The following PAICS variants were observed in gnomAD, a reference collection of about 807,000 sequenced individuals.
The protein encoded by PAICS is bifunctional phosphoribosylaminoimidazole carboxylase/phosphoribosylaminoimidazole succinocarboxamide synthetase.
A neutral mutation model predicts 53.7 loss-of-function variants in PAICS; 33 were observed. The observed-to-expected ratio is 0.61, with a 90% CI of 0.47 to 0.82. PAICS has a LOEUF of 0.82. Among genes scored for constraint, PAICS ranks in the 40% least tolerant of loss-of-function variants. PAICS has a pLI of 0.00. For synonymous variants in PAICS, 141 were observed against 167.2 expected, an observed-to-expected ratio of 0.84 and a Z score of 1.21; for missense variants, 394 against 494.1, an observed-to-expected ratio of 0.80 and a Z score of 1.92.
the PAICS span, among the ~76,000 whole-genome samples, chr4:56,416,109 C>T: frequency 2.0e-5 from 3 of 151,344 alleles, no homozygotes; most frequent in Non-Finnish European, 4.4e-5. Flanking sequence ...AAACTAACTA[C>T]AACCATTTCT....
At chr4:56,437,767 G>T (rs1211484010) in intron 1 of PAICS, among the ~76,000 whole-genome samples, 1 of 142,446 alleles carries the variant, frequency 7.0e-6, no homozygotes, top group Non-Finnish European at 1.5e-5. Context: ...GCTGCAGTGA[G>T]CCGGGATCGC....
At chr4:56,451,791 AT>A in intron 6 of PAICS, 80 bp from the exon 7 acceptor site, 1 of 788,066 alleles carries the variant, frequency 1.3e-6, no homozygotes, top group East Asian at 2.8e-5. Flanking sequence ...TTGGGCCCAG[AT>A]ATAATTTTAC....
chr4:56,422,818 G>T, the PAICS span: 1 of 152,128 alleles, frequency 6.6e-6, no homozygotes, highest in Admixed American at 6.5e-5. Context: ...ATAATTAATG[G>T]AAGCAATGTT....
chr4:56,425,645 T>A, the PAICS span, among the ~76,000 whole-genome samples: 1 of 152,162 alleles, frequency 6.6e-6, no homozygotes. Context: ...GACAGAGGCA[T>A]CTTTGTTGTG....
At chr4:56,457,105 C>G (rs538054719) in intron 8 of PAICS, among the ~76,000 whole-genome samples, 1 of 152,116 alleles carries the variant, frequency 6.6e-6, no homozygotes, top group Non-Finnish European at 1.5e-5. Flanking sequence ...AGTTCAAAGA[C>G]GCCAAGACTG....
chr4:56,433,434 T>C (rs1578140244), upstream of PAICS, among the ~76,000 whole-genome samples: 1 of 138,390 alleles, frequency 7.2e-6, no homozygotes, highest in Non-Finnish European at 1.6e-5. Flanking sequence ...CCTATAACCA[T>C]GAATACCAAG....
upstream of PAICS, among the ~76,000 whole-genome samples, chr4:56,432,732 G>T (rs1241761044): frequency 6.6e-6 from 1 of 150,450 alleles, no homozygotes; most frequent in African/African-American, 2.4e-5. Context: ...TTGCAGTGAG[G>T]GGAGACTGCG....
the PAICS span, among the ~76,000 whole-genome samples, chr4:56,419,094 G>A: frequency 0.027 from 4,061 of 152,266 alleles, 197 homozygotes; most frequent in African/African-American, 0.092. Context: ...ACAGTCTGGG[G>A]ATGAGGGATG....
chr4:56,443,694 G>A (rs1004087235), intron 2 of PAICS, among the ~76,000 whole-genome samples: 4 of 152,174 alleles, frequency 2.6e-5, no homozygotes, highest in African/African-American at 9.7e-5. Flanking sequence ...TATTTTCTGA[G>A]TGTATTTACA....
the PAICS span, among the ~76,000 whole-genome samples, chr4:56,429,173 C>T: frequency 6.6e-6 from 1 of 152,018 alleles, no homozygotes; most frequent in Admixed American, 6.6e-5. Context: ...TCATAGCTCA[C>T]TGAGTGAAAG....
intron 2 of PAICS, among the ~76,000 whole-genome samples, chr4:56,445,272 G>GT (rs11396759): frequency 0.17 from 26,498 of 151,904 alleles, 2,595 homozygotes; most frequent in Admixed American, 0.32. Flanking sequence ...TTGAGCCTCT[G>GT]TTTTTTTCAC....
At chr4:56,423,922 G>A in the PAICS span, among the ~76,000 whole-genome samples, 1 of 152,164 alleles carries the variant, frequency 6.6e-6, no homozygotes, top group Non-Finnish European at 1.5e-5. Context: ...CTCTTAGGAA[G>A]AATGTAATAG....
At chr4:56,417,903 C>T in the PAICS span, among the ~76,000 whole-genome samples, 389 of 144,846 alleles carry the variant, frequency 2.7e-3, 3 homozygotes, top group African/African-American at 9.7e-3. Flanking sequence ...TGCAGTGGTG[C>T]AATCTCGGCT....
chr4:56,449,116 A>T (rs1718770031), intron 5 of PAICS, among the ~76,000 whole-genome samples: 1 of 152,204 alleles, frequency 6.6e-6, no homozygotes, highest in African/African-American at 2.4e-5. Context: ...TCTTAAGAGG[A>T]TGGGTATCTT....
At chr4:56,438,371 T>TTAATATA (rs1553941192) in intron 1 of PAICS, among the ~76,000 whole-genome samples, 1 of 113,674 alleles carries the variant, frequency 8.8e-6, no homozygotes, top group African/African-American at 3.0e-5. Context: ...TGCAATGTGT[T>TTAATATA]TATATATATA....
chr4:56,442,605 A>C (rs1718398623), intron 2 of PAICS, among the ~76,000 whole-genome samples: 1 of 152,196 alleles, frequency 6.6e-6, no homozygotes, highest in South Asian at 2.1e-4. Flanking sequence ...AAATAGCCTC[A>C]TTGCTTTGGA....
upstream of PAICS, chr4:56,435,409 C>A: frequency 6.2e-7 from 1 of 1,613,906 alleles, no homozygotes; most frequent in Non-Finnish European, 8.5e-7. Flanking sequence ...GCTGCGTGGG[C>A]CACTCTCCTG....
the PAICS span, chr4:56,410,529 C>A: frequency 1.6e-5 from 16 of 986,410 alleles, no homozygotes; most frequent in African/African-American, 2.8e-4. Flanking sequence ...GAGAGTGGAG[C>A]AGGAAAGCAC....
intron 5 of PAICS, among the ~76,000 whole-genome samples, chr4:56,450,365 T>C (rs1718844397): frequency 6.6e-6 from 1 of 152,214 alleles, no homozygotes; most frequent in Non-Finnish European, 1.5e-5. Flanking sequence ...AGACCCTTTC[T>C]ATACTTAATA....
Sources: allele counts gnomAD v4.1 joint callset (sites outside exome capture counted in the v4.1 genomes callset), GRCh38; gene constraint gnomAD v4.1.1; transcripts MANE v1.5; gene names NCBI Gene and HGNC (gene_info 2026-07-23, HGNC 2026-07-21).